The following VDR variants were observed in gnomAD, a reference collection of about 807,000 sequenced individuals.
VDR encodes the protein vitamin D3 receptor.
VDR carries 19 observed loss-of-function variants against 39.7 expected under a neutral mutation model. The ratio of observed to expected loss-of-function variants is 0.48; its 90% CI spans 0.33 to 0.70. The LOEUF is 0.70. Among genes scored for constraint, VDR ranks in the 30% least tolerant of loss-of-function variants. VDR has a pLI of 0.02. For missense variants in VDR, 442 were observed against 570.5 expected, an observed-to-expected ratio of 0.77 and a Z score of 2.29; for synonymous variants, 242 against 215.8, an observed-to-expected ratio of 1.12 and a Z score of -1.07.
At chr12:47,854,876 T>G (rs1448096041) in intron 7 of VDR, among the ~76,000 whole-genome samples, 1 of 152,232 alleles carries the variant, frequency 6.6e-6, no homozygotes, top group Non-Finnish European at 1.5e-5. Flanking sequence ...AGGTCTAGGG[T>G]AGGGTCTGAA....
At chr12:47,880,484 A>G (rs942018904) in intron 2 of VDR, among the ~76,000 whole-genome samples, 2 of 152,180 alleles carry the variant, frequency 1.3e-5, no homozygotes, top group African/African-American at 4.8e-5. Context: ...ATGTCTAGAA[A>G]CCACTACTGC....
At position 47,844,297 on chromosome 12, in the gene VDR, C is replaced by T. The variant is rs1042415319; in HGVS notation, c.*449G>A. On this transcript the variant is annotated 3_prime_UTR_variant, in exon 10 of 10. Coordinates refer to ENST00000549336, the MANE Select transcript of VDR (RefSeq NM_000376.3). ...TGGGAGCTGTGGGCCGATTATTTAT[C>T]GTGAGTAGGCAGGAGAGGGAGACCC... 8 of 254,644 alleles carry T rather than the reference C, an allele frequency of 3.1e-5. No homozygotes were observed. The highest frequency in any genetic ancestry group is 5.6e-5 in the South Asian group (1 of 17,874). The allele number at this position is 254,644 out of a possible 1,614,324, so 15.8% of individuals were successfully genotyped here.
chr12:47,869,778 T>C (rs988639861), intron 3 of VDR, among the ~76,000 whole-genome samples: 5 of 152,070 alleles, frequency 3.3e-5, no homozygotes, highest in African/African-American at 1.2e-4. Flanking sequence ...GCGCCTGTGG[T>C]CTCAGCTACT....
At chr12:47,865,289 A>C (rs1355748120) in intron 3 of VDR, 112 bp from the exon 4 acceptor site, 1 of 1,528,646 alleles carries the variant, frequency 6.5e-7, no homozygotes, top group Middle Eastern at 1.7e-4. Context: ...CCAACAGAAG[A>C]CATGAGGCCC....
intron 3 of VDR, among the ~76,000 whole-genome samples, chr12:47,876,686 T>A (rs1403584047): frequency 6.6e-6 from 1 of 152,230 alleles, no homozygotes; most frequent in Non-Finnish European, 1.5e-5. Context: ...CATACCATCC[T>A]TGTTCATTCT....
chr12:47,893,804 C>T (rs562235788), intron 1 of VDR, among the ~76,000 whole-genome samples: 8 of 152,364 alleles, frequency 5.3e-5, no homozygotes, highest in South Asian at 2.1e-4. Flanking sequence ...TCACCACAGA[C>T]GTGTGTGGAG....
At chr12:47,863,177 T>C (rs1173428046) in intron 4 of VDR, among the ~76,000 whole-genome samples, 2 of 152,170 alleles carry the variant, frequency 1.3e-5, no homozygotes, top group Non-Finnish European at 2.9e-5. Context: ...GATGCAGCGC[T>C]GTTTATGGGG....
At chr12:47,859,914 C>CTCT (rs1945584128) in intron 4 of VDR, among the ~76,000 whole-genome samples, 9 of 55,258 alleles carry the variant, frequency 1.6e-4, no homozygotes, top group Non-Finnish European at 3.1e-4. Context: ...TCCTTCCTTC[C>CTCT]TTCTTTCTTT....
At chr12:47,904,869 C>T in intron 1 of VDR, 86 bp downstream of exon 1, 1 of 341,818 alleles carries the variant, frequency 2.9e-6, no homozygotes, top group Non-Finnish European at 5.4e-6. Context: ...TGCTCGCAGC[C>T]GGGCGCTCAG....
At chr12:47,849,340 C>G (rs1945340700) in intron 7 of VDR, among the ~76,000 whole-genome samples, 1 of 152,166 alleles carries the variant, frequency 6.6e-6, no homozygotes, top group African/African-American at 2.4e-5. Flanking sequence ...CTCTTAGGAA[C>G]TCTTAGAGAT....
intron 2 of VDR, among the ~76,000 whole-genome samples, chr12:47,879,926 G>A (rs556977999): frequency 2.8e-4 from 42 of 152,244 alleles, no homozygotes; most frequent in South Asian, 8.3e-4. Flanking sequence ...AGAGACAGAC[G>A]GAACGAAAGC....
chr12:47,890,896 C>T lies in VDR; in HGVS notation c.-83-8122G>A, dbSNP rs897508950. Among the ~76,000 whole-genome samples the T allele has an allele frequency of 3.3e-5, 5 of 152,142 alleles. No individual in the cohort carries two copies. In the East Asian group the frequency reaches 7.7e-4, roughly 24 times the overall value. On this transcript the variant is annotated intron_variant, in intron 1 of 9. Coordinates refer to ENST00000549336, the MANE Select transcript of VDR (RefSeq NM_000376.3). ...TGTGCAGGAGGGAGGGGCAGAGGGA[C>T]GCGATGGGCAGGGAGGGTGCTCCTG...
intron 4 of VDR, among the ~76,000 whole-genome samples, chr12:47,858,278 T>C (rs1018725411): frequency 2.0e-5 from 3 of 152,204 alleles, no homozygotes; most frequent in Non-Finnish European, 2.9e-5. Flanking sequence ...AGAGCTCTCA[T>C]AGCGCTGGAA....
chr12:47,893,517 T>A (rs1367991908), intron 1 of VDR, among the ~76,000 whole-genome samples: 5 of 152,036 alleles, frequency 3.3e-5, no homozygotes, highest in Non-Finnish European at 7.4e-5. Flanking sequence ...AATGATTCAA[T>A]AAGGGCAGAT....
chr12:47,855,185 G>A (rs1020191109), intron 7 of VDR, among the ~76,000 whole-genome samples: 17 of 152,114 alleles, frequency 1.1e-4, no homozygotes, highest in African/African-American at 7.2e-5. Context: ...AAAATTAGCC[G>A]GGCTTGGTGG....
chr12:47,881,515 T>C (rs1303311121), intron 2 of VDR, among the ~76,000 whole-genome samples: 1 of 152,120 alleles, frequency 6.6e-6, no homozygotes, highest in Non-Finnish European at 1.5e-5. Context: ...AACAAAGGAA[T>C]GATTAACAGA....
chr12:47,861,976 G>C (rs1945634927), intron 4 of VDR, among the ~76,000 whole-genome samples: 1 of 152,198 alleles, frequency 6.6e-6, no homozygotes, highest in Non-Finnish European at 1.5e-5. Context: ...CTATAGACCT[G>C]TGGAAGATAT....
intron 1 of VDR, chr12:47,898,913 G>A (rs1423271762): frequency 6.5e-6 from 1 of 153,180 alleles, no homozygotes. Context: ...TAAGGAAGGG[G>A]AATGCAAATG....
chr12:47,848,555 C>CTT (rs1162881183), intron 7 of VDR, among the ~76,000 whole-genome samples: 2,368 of 58,146 alleles, frequency 0.041, 518 homozygotes, highest in East Asian at 0.1. Flanking sequence ...TTTTCTACTC[C>CTT]TTTTTTTTTT....
Sources: allele counts gnomAD v4.1 joint callset (sites outside exome capture counted in the v4.1 genomes callset), GRCh38; gene constraint gnomAD v4.1.1; transcripts MANE v1.5; gene names NCBI Gene and HGNC (gene_info 2026-07-23, HGNC 2026-07-21).